The following ZNF536 variants were observed in gnomAD, a reference collection of about 807,000 sequenced individuals.
ZNF536 encodes the protein zinc finger protein 536.
ZNF536 carries 13 observed loss-of-function variants against 84.5 expected under a neutral mutation model. The ratio of observed to expected loss-of-function variants is 0.15; its 90% CI spans 0.10 to 0.24. The LOEUF is 0.24. Ranked by LOEUF, ZNF536 falls within the 10% of genes least tolerant of loss-of-function variation. The probability of loss-of-function intolerance (pLI) is 1.00; values close to 1 mark genes in which losing one functional copy is unlikely to be tolerated. For missense variants in ZNF536, 1,536 were observed against 1,747.5 expected (o/e 0.88, Z 2.16); for synonymous variants, 811 against 742.5 (o/e 1.09, Z -1.50).
chr19:30,410,754 A>G (rs1032058218), intron 1 of ZNF536, among the ~76,000 whole-genome samples: 3 of 151,982 alleles, frequency 2.0e-5, no homozygotes, highest in African/African-American at 7.3e-5. Flanking sequence ...CTGGGATTAC[A>G]GGCGTGAGCC....
At chr19:30,540,487 G>T (rs2045286953) in intron 3 of ZNF536, among the ~76,000 whole-genome samples, 1 of 152,146 alleles carries the variant, frequency 6.6e-6, no homozygotes, top group South Asian at 2.1e-4. Flanking sequence ...ACGCCCATAT[G>T]CAGGCTCTGT....
At chr19:30,429,909 T>A (rs1283648879) in intron 1 of ZNF536, among the ~76,000 whole-genome samples, 2 of 152,166 alleles carry the variant, frequency 1.3e-5, no homozygotes, top group East Asian at 3.9e-4. Context: ...TAGGTACTTG[T>A]CACCTGCAAA....
chr19:30,421,663 C>T (rs1037781608), intron 1 of ZNF536, among the ~76,000 whole-genome samples: 2 of 152,194 alleles, frequency 1.3e-5, no homozygotes, highest in African/African-American at 2.4e-5. Context: ...GTCTCTGGCC[C>T]GGCAAGTTCA....
intron 1 of ZNF536, among the ~76,000 whole-genome samples, chr19:30,409,514 T>C (rs532928953): frequency 3.9e-5 from 6 of 152,246 alleles, no homozygotes; most frequent in African/African-American, 1.2e-4. Flanking sequence ...CTTTTATAAA[T>C]GACACTTTGA....
chr19:30,538,410 G>A (rs546511110), intron 3 of ZNF536, among the ~76,000 whole-genome samples: 144 of 152,196 alleles, frequency 9.5e-4, no homozygotes, highest in African/African-American at 3.1e-3. Context: ...TGGAAGTCTC[G>A]ATCATGTAAC....
intron 2 of ZNF536, among the ~76,000 whole-genome samples, chr19:30,296,937 G>A (rs1269712472): frequency 3.3e-5 from 5 of 152,182 alleles, no homozygotes; most frequent in Non-Finnish European, 4.4e-5. Context: ...ATTTACAGCT[G>A]ATGTTGGCAG....
At chr19:30,679,617 G>C (rs1345372235) in intron 1 of ZNF536, among the ~76,000 whole-genome samples, 25 of 152,190 alleles carry the variant, frequency 1.6e-4, no homozygotes, top group Admixed American at 6.5e-4. Context: ...TGGGGCAGCA[G>C]GGAAGGGCCA....
chr19:30,490,800 C>CT (rs1206891166), intron 2 of ZNF536, among the ~76,000 whole-genome samples: 1 of 152,174 alleles, frequency 6.6e-6, no homozygotes, highest in African/African-American at 2.4e-5. Flanking sequence ...AAAAGATGGG[C>CT]TTTTAAAACT....
At chr19:30,367,290 C>A (rs529686207) in intron 3 of ZNF536, among the ~76,000 whole-genome samples, 29 of 152,316 alleles carry the variant, frequency 1.9e-4, no homozygotes, top group African/African-American at 6.7e-4. Context: ...GCTAATATTT[C>A]ATTTTAATCT....
At chr19:30,394,553 G>A (rs1042921511) in intron 1 of ZNF536, among the ~76,000 whole-genome samples, 1 of 152,108 alleles carries the variant, frequency 6.6e-6, no homozygotes, top group Non-Finnish European at 1.5e-5. Flanking sequence ...CTTCTTCAGC[G>A]TCCCTTCCCC....
At chr19:30,350,663 G>T (rs2146705635) in intron 2 of ZNF536, among the ~76,000 whole-genome samples, 1 of 152,310 alleles carries the variant, frequency 6.6e-6, no homozygotes, top group Admixed American at 6.5e-5. Flanking sequence ...TTTATAAGAG[G>T]AATTGATTGT....
chr19:30,429,722 G>A (rs1201430504), intron 1 of ZNF536, among the ~76,000 whole-genome samples: 2 of 152,132 alleles, frequency 1.3e-5, no homozygotes, highest in Admixed American at 6.5e-5. Flanking sequence ...GCAGAGCCAG[G>A]CACCGTGCCT....
intron 2 of ZNF536, among the ~76,000 whole-genome samples, chr19:30,296,482 C>T (rs2045999868): frequency 6.6e-6 from 1 of 152,130 alleles, no homozygotes; most frequent in Non-Finnish European, 1.5e-5. Flanking sequence ...CTGGGTGAAA[C>T]CCTTTTGTAT....
chr19:30,454,303 C>G (rs2052739922), intron 2 of ZNF536, among the ~76,000 whole-genome samples: 2 of 152,336 alleles, frequency 1.3e-5, no homozygotes, highest in East Asian at 3.9e-4. Flanking sequence ...GATCGCGCCA[C>G]AGTGCTCTCT....
intron 1 of ZNF536, among the ~76,000 whole-genome samples, chr19:30,679,551 C>G (rs968567857): frequency 2.6e-5 from 4 of 152,180 alleles, no homozygotes; most frequent in Non-Finnish European, 2.9e-5. Context: ...CTGCCCCCTC[C>G]CCACGACTTC....
intron 1 of ZNF536, among the ~76,000 whole-genome samples, chr19:30,277,343 T>C (rs1471761393): frequency 6.6e-6 from 1 of 152,158 alleles, no homozygotes; most frequent in Non-Finnish European, 1.5e-5. Flanking sequence ...GGCGAGCTGA[T>C]GAGAGGAAGC....
intron 2 of ZNF536, among the ~76,000 whole-genome samples, chr19:30,495,184 G>A (rs2054670352): frequency 6.6e-6 from 1 of 152,132 alleles, no homozygotes; most frequent in South Asian, 2.1e-4. Context: ...TTACCCATTT[G>A]TGATGCCTCC....
At chr19:30,410,908 T>G (rs961585836) in intron 1 of ZNF536, among the ~76,000 whole-genome samples, 2 of 152,234 alleles carry the variant, frequency 1.3e-5, no homozygotes, top group African/African-American at 4.8e-5. Context: ...GGAGTTCTTG[T>G]TTTTCACAAA....
intron 1 of ZNF536, among the ~76,000 whole-genome samples, chr19:30,276,734 A>G (rs937049561): frequency 6.6e-6 from 1 of 152,232 alleles, no homozygotes; most frequent in Non-Finnish European, 1.5e-5. Flanking sequence ...GAAAAAATAC[A>G]TTCCTTGGAT....
Sources: allele counts gnomAD v4.1 joint callset (sites outside exome capture counted in the v4.1 genomes callset), GRCh38; gene constraint gnomAD v4.1.1; transcripts MANE v1.5; gene names NCBI Gene and HGNC (gene_info 2026-07-23, HGNC 2026-07-21).